Variants in MED26 observed in about 807,000 individuals in gnomAD.
The protein encoded by MED26 is mediator of RNA polymerase II transcription subunit 26.
Under a neutral mutation model 43.7 loss-of-function variants are expected in MED26, and 7 were observed. That is an observed-to-expected ratio of 0.16 (90% CI 0.09 to 0.30). The LOEUF is 0.30. Ranked by LOEUF, MED26 falls within the 10% of genes least tolerant of loss-of-function variation. MED26 has a pLI of 1.00. For missense variants in MED26, 784 were observed against 840.6 expected, an observed-to-expected ratio of 0.93 and a Z score of 0.83; for synonymous variants, 375 against 371.1, an observed-to-expected ratio of 1.01 and a Z score of -0.12.
Position 16,578,201 on chromosome 19 carries a change from G to C in MED26, c.147+134C>G. On this transcript the variant is annotated intron_variant, in intron 2 of 2. Transcript: ENST00000263390. ...AGAGCAAGATCGCGAGGCACGAGCT[G>C]TGAGGGCACACCGCCTCTCTTGGTC... The C allele has an allele frequency of 4.7e-6, 4 of 854,470 alleles. No homozygotes were observed. In the South Asian group the frequency reaches 5.6e-5, roughly 12 times the overall value. 52.9% of individuals were successfully genotyped at this position (854,470 alleles called of 1,614,324 possible). A position where few individuals can be genotyped will look rare whatever the true frequency, so the allele number is the denominator to read the frequency against.
intron 1 of MED26, among the ~76,000 whole-genome samples, chr19:16,617,574 G>C (rs1047645587): frequency 6.6e-6 from 1 of 152,208 alleles, no homozygotes; most frequent in Non-Finnish European, 1.5e-5. Flanking sequence ...CACACACATA[G>C]TGTGGAGGAC....
At chr19:16,613,302 T>C (rs937976982) in intron 1 of MED26, among the ~76,000 whole-genome samples, 1 of 152,142 alleles carries the variant, frequency 6.6e-6, no homozygotes, top group Non-Finnish European at 1.5e-5. Flanking sequence ...GTTAAACCTA[T>C]TCATCAACCT....
chr19:16,602,224 G>A (rs2086153180), intron 1 of MED26, among the ~76,000 whole-genome samples: 1 of 152,210 alleles, frequency 6.6e-6, no homozygotes, highest in Non-Finnish European at 1.5e-5. Context: ...GGGAAAAAAT[G>A]GTGCCGACTG....
intron 1 of MED26, among the ~76,000 whole-genome samples, chr19:16,609,931 A>T (rs1228638806): frequency 2.7e-5 from 4 of 148,390 alleles, no homozygotes; most frequent in Non-Finnish European, 4.4e-5. Flanking sequence ...TCTTGGACAC[A>T]AGCACTCTTT....
intron 1 of MED26, among the ~76,000 whole-genome samples, chr19:16,626,584 C>T (rs888763206): frequency 3.9e-5 from 6 of 152,062 alleles, no homozygotes; most frequent in African/African-American, 1.5e-4. Flanking sequence ...TCAGTCTTAA[C>T]CAAAAATTGT....
intron 1 of MED26, among the ~76,000 whole-genome samples, chr19:16,606,967 CTT>C (rs530238841): frequency 2.0e-4 from 30 of 152,312 alleles, no homozygotes; most frequent in African/African-American, 6.3e-4. Context: ...AAATGATCCT[CTT>C]GTCTCAGACT....
chr19:16,578,429 T>C lies in MED26; in HGVS notation c.73-20A>G, dbSNP rs769699167. The C allele has an allele frequency of 1.1e-5, 18 of 1,612,776 alleles. No individual in the cohort carries two copies. The highest frequency in any genetic ancestry group is 1.4e-5 in the Non-Finnish European group (17 of 1,179,182). On this transcript the variant is annotated intron_variant, in intron 1 of 2. Transcript: ENST00000263390. ...CCGGATCTGTGGAAATAAAAAGCCATTTGTCAGGTCCCTGTCCTTCTCCAC... is the reference window on the plus strand; with the variant it reads ...CCGGATCTGTGGAAATAAAAAGCCACTTGTCAGGTCCCTGTCCTTCTCCAC...
intron 1 of MED26, among the ~76,000 whole-genome samples, chr19:16,603,447 A>G (rs749206248): frequency 6.6e-6 from 1 of 152,092 alleles, no homozygotes; most frequent in African/African-American, 2.4e-5. Context: ...ATGAGTGCTC[A>G]TGAGTGCTTG....
At chr19:16,601,960 T>C (rs1324132729) in intron 1 of MED26, among the ~76,000 whole-genome samples, 1 of 152,102 alleles carries the variant, frequency 6.6e-6, no homozygotes, top group Admixed American at 6.5e-5. Flanking sequence ...GGGACGTGGC[T>C]GTGGGAAGCA....
chr19:16,582,546 C>A (rs1010097484), intron 1 of MED26, among the ~76,000 whole-genome samples: 1 of 152,228 alleles, frequency 6.6e-6, no homozygotes, highest in Non-Finnish European at 1.5e-5. Flanking sequence ...ACTGACCCCC[C>A]ACCCAGGAGT....
intron 1 of MED26, among the ~76,000 whole-genome samples, chr19:16,623,055 G>A (rs569202490): frequency 1.3e-5 from 2 of 152,126 alleles, no homozygotes; most frequent in Non-Finnish European, 2.9e-5. Context: ...ACCACATGCT[G>A]GTCTTGGACA....
At chr19:16,603,173 T>A (rs1012976449) in intron 1 of MED26, among the ~76,000 whole-genome samples, 2 of 152,126 alleles carry the variant, frequency 1.3e-5, no homozygotes, top group Non-Finnish European at 2.9e-5. Flanking sequence ...GGGAGTCTCA[T>A]GTGCAAATAA....
chr19:16,619,963 C>A (rs1168520848), intron 1 of MED26, among the ~76,000 whole-genome samples: 1 of 152,208 alleles, frequency 6.6e-6, no homozygotes, highest in Non-Finnish European at 1.5e-5. Context: ...GCTGGGGACC[C>A]AGGCTTCACA....
chr19:16,604,693 C>A (rs1316572273), intron 1 of MED26, among the ~76,000 whole-genome samples: 3 of 152,190 alleles, frequency 2.0e-5, no homozygotes, highest in African/African-American at 7.2e-5. Flanking sequence ...ACACCTGTTA[C>A]TCACTGTCAT....
chr19:16,617,878 C>G (rs890399399), intron 1 of MED26, among the ~76,000 whole-genome samples: 5 of 152,176 alleles, frequency 3.3e-5, no homozygotes, highest in Non-Finnish European at 7.3e-5. Context: ...AAAACTTTCC[C>G]TCACAGACGA....
intron 1 of MED26, among the ~76,000 whole-genome samples, chr19:16,580,783 T>G (rs1286155929): frequency 1.3e-5 from 2 of 152,054 alleles, no homozygotes; most frequent in Non-Finnish European, 2.9e-5. Context: ...CCCCTCCCCT[T>G]ATGCTCAAAG....
chr19:16,585,805 C>T (rs1025116192), intron 1 of MED26, among the ~76,000 whole-genome samples: 2 of 152,222 alleles, frequency 1.3e-5, no homozygotes, highest in African/African-American at 2.4e-5. Context: ...AATTGGGCCA[C>T]GGCATGTGTC....
chr19:16,595,182 A>G (rs1364920195), intron 1 of MED26, among the ~76,000 whole-genome samples: 1 of 151,762 alleles, frequency 6.6e-6, no homozygotes, highest in Non-Finnish European at 1.5e-5. Context: ...TCTGCGTTGG[A>G]CCCCTGTTTC....
In MED26 at chr19:16,577,135, G is replaced by A; in HGVS notation, c.695C>T (p.Ser232Phe). The change falls in exon 3 of 3, where the codon TCC becomes TTC. Residue 232 changes from serine (S) to phenylalanine (F), a missense_variant. Around this residue, in one of 3 missense-constraint regions of MED26, gnomAD observed 719 missense variants for 730.9 expected, o/e 0.98. Transcript: ENST00000263390. This position sits in a 1 kb window ranked among gnomAD's most constrained non-coding sequence, Gnocchi z 8.1. ...TCCAGGGGGCTTGCCCAGGCCCGGG[G>A]AGCTGGTGTGCGGTCGCACGGCGTT... ...PVNAVRPHTSSPGLGKPPGPC... is the reference protein window; with the variant it reads ...PVNAVRPHTSFPGLGKPPGPC... 1.9e-6 allele frequency: 3 copies of A among 1,613,182 alleles called. No individual in the cohort carries two copies. The highest frequency in any genetic ancestry group is 2.5e-6 in the Non-Finnish European group (3 of 1,179,912).
Sources: gnomAD v4.1 joint callset for allele counts (sites outside exome capture counted in the v4.1 genomes callset) on GRCh38, gnomAD v4.1.1 for gene constraint, gnomAD v4.1.1 regional missense constraint, Gnocchi (gnomAD v3.1) non-coding constraint, MANE v1.5 for transcripts, NCBI Gene and HGNC (gene_info 2026-07-23, HGNC 2026-07-21) for gene names.